CEP57L1: variants seen among roughly 807,000 people sequenced by gnomAD.
CEP57L1 encodes the protein centrosomal protein 57 like 1.
A neutral mutation model predicts 61.0 loss-of-function variants in CEP57L1; 37 were observed. The observed-to-expected ratio is 0.61, with a 90% CI of 0.47 to 0.80. CEP57L1 has a LOEUF of 0.80. CEP57L1 is among the 30% of genes least tolerant of loss of function. CEP57L1 has a pLI of 0.00. For synonymous variants in CEP57L1, 137 were observed against 162.3 expected, an observed-to-expected ratio of 0.84 and a Z score of 1.19; for missense variants, 422 against 524.7, an observed-to-expected ratio of 0.80 and a Z score of 1.91.
At chr6:109,133,944 G>A (rs1353408255) in intron 1 of CEP57L1, among the ~76,000 whole-genome samples, 2 of 152,092 alleles carry the variant, frequency 1.3e-5, no homozygotes, top group African/African-American at 2.4e-5. Flanking sequence ...AAAACAAGTC[G>A]AGGACCAGAT....
chr6:109,104,805 T>G (rs1031547409), intron 1 of CEP57L1, among the ~76,000 whole-genome samples: 1 of 152,150 alleles, frequency 6.6e-6, no homozygotes, highest in Non-Finnish European at 1.5e-5. Context: ...CAGGCTGATC[T>G]TGAACTCCTG....
chr6:109,132,823 G>A (rs1774344720), intron 1 of CEP57L1, among the ~76,000 whole-genome samples: 1 of 152,046 alleles, frequency 6.6e-6, no homozygotes, highest in Non-Finnish European at 1.5e-5. Flanking sequence ...GCTAGTTTGT[G>A]GTTTTAAGTT....
At chr6:109,131,896 T>A (rs1562533029) in intron 1 of CEP57L1, among the ~76,000 whole-genome samples, 2 of 152,046 alleles carry the variant, frequency 1.3e-5, no homozygotes, top group South Asian at 4.1e-4. Context: ...AGCCTAGGCA[T>A]TGTGAGTTAT....
chr6:109,146,997 ATAAACC>A, intron 3 of CEP57L1, 60 bp downstream of exon 3: 1 of 1,391,540 alleles, frequency 7.2e-7, no homozygotes, highest in East Asian at 2.4e-5. Flanking sequence ...TTCAAAAATA[ATAAACC>A]TAGTCTAAGC....
At chr6:109,133,235 G>A (rs1046553828) in intron 1 of CEP57L1, among the ~76,000 whole-genome samples, 6 of 152,254 alleles carry the variant, frequency 3.9e-5, no homozygotes, top group East Asian at 1.9e-4. Flanking sequence ...CCACAGATGC[G>A]GCAGGGGTAA....
chr6:109,103,312 A>C (rs985554580), intron 1 of CEP57L1, among the ~76,000 whole-genome samples: 1 of 152,166 alleles, frequency 6.6e-6, no homozygotes, highest in African/African-American at 2.4e-5. Context: ...TGTCTTGTCA[A>C]CCAAGTACTA....
chr6:109,126,305 C>T (rs527502042), intron 1 of CEP57L1, among the ~76,000 whole-genome samples: 82 of 152,238 alleles, frequency 5.4e-4, no homozygotes, highest in African/African-American at 1.9e-3. Context: ...TACTCTAAAT[C>T]TCCAGCTGCT....
At chr6:109,149,559 T>C (rs1772355226) in intron 3 of CEP57L1, among the ~76,000 whole-genome samples, 1 of 152,066 alleles carries the variant, frequency 6.6e-6, no homozygotes, top group South Asian at 2.1e-4. Flanking sequence ...GCGTGATGCC[T>C]CCAGCTTTGT....
intron 1 of CEP57L1, among the ~76,000 whole-genome samples, chr6:109,143,194 G>C (rs188027605): frequency 1.3e-5 from 2 of 152,204 alleles, no homozygotes; most frequent in East Asian, 1.9e-4. Flanking sequence ...CCACATATGA[G>C]TCCATGGCAC....
At chr6:109,108,754 C>T (rs1176970948) in intron 1 of CEP57L1, among the ~76,000 whole-genome samples, 1 of 151,972 alleles carries the variant, frequency 6.6e-6, no homozygotes, top group South Asian at 2.1e-4. Context: ...TTAAAAAAGG[C>T]GAAGGATTTA....
At chr6:109,132,637 A>T (rs1196497236) in intron 1 of CEP57L1, among the ~76,000 whole-genome samples, 1 of 152,204 alleles carries the variant, frequency 6.6e-6, no homozygotes, top group African/African-American at 2.4e-5. Context: ...ATCTATCTGT[A>T]TGTATATATG....
chr6:109,125,809 CATT>C (rs1462953339), intron 1 of CEP57L1, among the ~76,000 whole-genome samples: 1 of 151,658 alleles, frequency 6.6e-6, no homozygotes, highest in Non-Finnish European at 1.5e-5. Context: ...ATATAATAAA[CATT>C]ATAAGAATGT....
rs1264554803 is a variant in CEP57L1 at position 109,166,288 on chromosome 6, CTT to C, written c.*3320_*3321del. Among the ~76,000 whole-genome samples the C allele has an allele frequency of 1.3e-5, 2 of 151,416 alleles. No individual in the cohort carries two copies. The highest frequency in any genetic ancestry group is 2.9e-5 in the Non-Finnish European group (2 of 67,862). ...AATTATTTTTGAGCTTTTTTGGTAGCTTTCTTACTTTATTCCTTTTTTTCTAT... is the reference window on the plus strand; with the variant it reads ...AATTATTTTTGAGCTTTTTTGGTAGCTCTTACTTTATTCCTTTTTTTCTAT... On this transcript the variant is annotated 3_prime_UTR_variant, in exon 11 of 11. Coordinates refer to ENST00000517392, the MANE Select transcript of CEP57L1 (RefSeq NM_001271852.3).
intron 1 of CEP57L1, among the ~76,000 whole-genome samples, chr6:109,127,609 T>TTTTG (rs750136240): frequency 2.3e-4 from 35 of 151,962 alleles, no homozygotes; most frequent in Non-Finnish European, 4.3e-4. Context: ...CTTAATCTTT[T>TTTTG]TTTGTTTGTT....
rs765601953 is a variant in CEP57L1 at position 109,150,209 on chromosome 6, G to A, written c.432G>A (p.Glu144=). 5 of 1,605,194 alleles carry A rather than the reference G, an allele frequency of 3.1e-6. No homozygotes were observed. The highest frequency in any genetic ancestry group is 4.3e-6 in the Non-Finnish European group (5 of 1,172,330). Residue 144 remains glutamate, a synonymous_variant, in exon 4 of 11, where the codon GAG becomes GAA. Coordinates refer to ENST00000517392, the MANE Select transcript of CEP57L1 (RefSeq NM_001271852.3). ...EYTKRMVLNV[E]REKNMILEQQ... ...CAAAGAGAATGGTTCTCAACGTAGA[G>A]CGAGAAAAGAACATGATCCTAGAAC...
At chr6:109,120,784 C>T (rs1353572461) in intron 1 of CEP57L1, among the ~76,000 whole-genome samples, 8 of 152,094 alleles carry the variant, frequency 5.3e-5, no homozygotes, top group African/African-American at 1.4e-4. Flanking sequence ...TGGTTAGAAA[C>T]GTAGTGTCAC....
intron 7 of CEP57L1, chr6:109,158,500 G>GATATTTCGAT (rs1773429687): frequency 2.6e-6 from 1 of 389,282 alleles, no homozygotes; most frequent in Non-Finnish European, 5.0e-6. Context: ...AAAAAAAAAG[G>GATATTTCGAT]ATATTTCGAT....
At chr6:109,121,146 A>T (rs990686939) in intron 1 of CEP57L1, among the ~76,000 whole-genome samples, 1 of 152,176 alleles carries the variant, frequency 6.6e-6, no homozygotes, top group Non-Finnish European at 1.5e-5. Flanking sequence ...GGAAGTTAGC[A>T]GTGGTTGTTT....
intron 1 of CEP57L1, among the ~76,000 whole-genome samples, chr6:109,122,394 G>A (rs916007190): frequency 1.3e-5 from 2 of 152,046 alleles, no homozygotes; most frequent in African/African-American, 2.4e-5. Context: ...TACCCCTTTT[G>A]TTGTTCTGGC....
Sources: allele counts gnomAD v4.1 joint callset (sites outside exome capture counted in the v4.1 genomes callset), GRCh38; gene constraint gnomAD v4.1.1; transcripts MANE v1.5; gene names NCBI Gene and HGNC (gene_info 2026-07-23, HGNC 2026-07-21).